Variants in SLC15A5 observed in about 807,000 individuals in gnomAD.
The protein encoded by SLC15A5 is solute carrier family 15 member 5.
A neutral mutation model predicts 56.1 loss-of-function variants in SLC15A5; 58 were observed. That is an observed-to-expected ratio of 1.03 (90% CI 0.84 to 1.29). The LOEUF (loss-of-function observed/expected upper bound fraction) is 1.29. Among genes scored for constraint, SLC15A5 ranks in the 50% most tolerant of loss-of-function variants. The pLI is 0.00. For missense variants in SLC15A5, 681 were observed against 672.1 expected (o/e 1.01, Z -0.15); for synonymous variants, 264 against 250.5 (o/e 1.05, Z -0.51).
chr12:16,273,173 A>G (rs989801987), intron 1 of SLC15A5, among the ~76,000 whole-genome samples: 2 of 152,256 alleles, frequency 1.3e-5, no homozygotes, highest in South Asian at 2.1e-4. Context: ...TTCTTAATCA[A>G]TCGAGTGACA....
chr12:16,192,863 A>C (rs1312602775), intron 8 of SLC15A5, among the ~76,000 whole-genome samples: 2 of 152,150 alleles, frequency 1.3e-5, no homozygotes, highest in Admixed American at 1.3e-4. Context: ...CAAAAGCCTT[A>C]TGATACAGTT....
At position 16,239,794 on chromosome 12, in the gene SLC15A5, A is replaced by G. The variant is rs1392876861; in HGVS notation, c.1049T>C (p.Val350Ala). Residue 350 changes from valine to alanine, a missense_variant, in exon 5 of 9, where the codon GTA (valine) becomes GCA (alanine). Transcript: ENST00000344941. ...NLDGFLLPIA[V>A]MNAISSLPLL... ...TGGTAGGCTGCTGATGGCATTCATTACTGCAATCGGCAGAAGAAATCCATC... is the reference window on the plus strand; with the variant it reads ...TGGTAGGCTGCTGATGGCATTCATTGCTGCAATCGGCAGAAGAAATCCATC... 1 of 1,537,192 alleles carries G rather than the reference A, an allele frequency of 6.5e-7. No individual in the cohort carries two copies. Among genetic ancestry groups the G allele is most frequent in the African/African-American group, 1.4e-5 (1 of 73,072 alleles).
chr12:16,240,570 A>T (rs7975343), intron 4 of SLC15A5, among the ~76,000 whole-genome samples: 9,702 of 151,440 alleles, frequency 0.064, 526 homozygotes, highest in African/African-American at 0.14. Flanking sequence ...CAATTTTTTT[A>T]AAAAAAAACC....
chr12:16,256,832 C>T (rs1029956527), intron 3 of SLC15A5, among the ~76,000 whole-genome samples: 6 of 148,326 alleles, frequency 4.0e-5, no homozygotes, highest in African/African-American at 1.3e-4. Flanking sequence ...GCACGCCAGC[C>T]TGGACGACAG....
intron 6 of SLC15A5, 31 bp from the exon 7 acceptor site, chr12:16,217,055 A>G: frequency 6.6e-7 from 1 of 1,513,734 alleles, no homozygotes; most frequent in African/African-American, 1.4e-5. Context: ...AGAATTTAGA[A>G]CTTTCTCCTG....
At chr12:16,213,938 G>T (rs1022987649) in intron 7 of SLC15A5, among the ~76,000 whole-genome samples, 1 of 152,080 alleles carries the variant, frequency 6.6e-6, no homozygotes, top group Non-Finnish European at 1.5e-5. Context: ...ATCCAAGGAG[G>T]TTATATTGCA....
chr12:16,248,827 C>T (rs970274921), intron 3 of SLC15A5, among the ~76,000 whole-genome samples: 4 of 151,914 alleles, frequency 2.6e-5, no homozygotes, highest in South Asian at 2.1e-4. Flanking sequence ...GGGAAGTTGA[C>T]GAAAATACTG....
intron 6 of SLC15A5, 102 bp downstream of exon 6, chr12:16,224,312 G>T: frequency 1.8e-6 from 2 of 1,087,190 alleles, no homozygotes; most frequent in Admixed American, 2.8e-5. Flanking sequence ...CTCTCTAGGA[G>T]GTGAATAGAT....
At chr12:16,250,814 A>G (rs887595595) in intron 3 of SLC15A5, among the ~76,000 whole-genome samples, 1 of 152,018 alleles carries the variant, frequency 6.6e-6, no homozygotes, top group Non-Finnish European at 1.5e-5. Flanking sequence ...ATAACCTGAA[A>G]GTGAGTAAAA....
At chr12:16,229,572 A>G (rs567698613) in intron 5 of SLC15A5, among the ~76,000 whole-genome samples, 15 of 151,816 alleles carry the variant, frequency 9.9e-5, no homozygotes, top group African/African-American at 3.6e-4. Flanking sequence ...CAAGAATTGG[A>G]TCTAAGTTTG....
chr12:16,261,052 G>C (rs558251584), intron 2 of SLC15A5, among the ~76,000 whole-genome samples: 1 of 145,204 alleles, frequency 6.9e-6, no homozygotes, highest in South Asian at 2.2e-4. Flanking sequence ...CTTTTCTCTT[G>C]TTTTTTTTTT....
chr12:16,261,810 A>G (rs1049880131), intron 2 of SLC15A5, among the ~76,000 whole-genome samples: 4 of 152,280 alleles, frequency 2.6e-5, no homozygotes, highest in African/African-American at 2.4e-5. Flanking sequence ...GATGTTGAGC[A>G]TCTTTTCATG....
intron 3 of SLC15A5, among the ~76,000 whole-genome samples, chr12:16,245,382 A>G (rs1374958090): frequency 6.6e-6 from 1 of 152,144 alleles, no homozygotes; most frequent in Non-Finnish European, 1.5e-5. Context: ...TTCAGATTAG[A>G]TTAGTTGGCT....
chr12:16,218,395 A>G (rs1024363376), intron 6 of SLC15A5, among the ~76,000 whole-genome samples: 3 of 152,200 alleles, frequency 2.0e-5, no homozygotes, highest in Non-Finnish European at 4.4e-5. Flanking sequence ...GATGATAGAA[A>G]ACAGATGTGC....
intron 3 of SLC15A5, among the ~76,000 whole-genome samples, chr12:16,246,075 G>A (rs1017104082): frequency 2.0e-5 from 3 of 152,130 alleles, no homozygotes; most frequent in African/African-American, 4.8e-5. Flanking sequence ...GCCCAAATTG[G>A]TAGTGACCAA....
chr12:16,257,893 A>C, intron 2 of SLC15A5, 23 bp from the exon 3 acceptor site: 1 of 1,388,320 alleles, frequency 7.2e-7, no homozygotes, highest in East Asian at 2.8e-5. Context: ...GACAGACAAA[A>C]ATAAAAATAC....
At chr12:16,273,354 T>G (rs1049050923) in intron 1 of SLC15A5, among the ~76,000 whole-genome samples, 1 of 151,792 alleles carries the variant, frequency 6.6e-6, no homozygotes. Flanking sequence ...GGATGGAGCC[T>G]TCTTTGCCAC....
intron 2 of SLC15A5, among the ~76,000 whole-genome samples, chr12:16,258,557 A>G (rs1388040887): frequency 6.6e-6 from 1 of 152,212 alleles, no homozygotes. Flanking sequence ...CTTTTACTTA[A>G]AAAATTGACG....
At chr12:16,272,834 A>G in intron 1 of SLC15A5, 51 bp from the exon 2 acceptor site, 1 of 1,439,886 alleles carries the variant, frequency 6.9e-7, no homozygotes, top group Non-Finnish European at 9.4e-7. Context: ...CAAGTGGATC[A>G]CCAAATCACA....
Sources: gnomAD v4.1 joint callset for allele counts (sites outside exome capture counted in the v4.1 genomes callset) on GRCh38, gnomAD v4.1.1 for gene constraint, MANE v1.5 for transcripts, NCBI Gene and HGNC (gene_info 2026-07-23, HGNC 2026-07-21) for gene names.